The following UNC80 variants were observed in gnomAD, a reference collection of about 807,000 sequenced individuals.
UNC80 encodes unc-80 subunit of NALCN channel complex.
In UNC80, 164 loss-of-function variants were observed where a neutral mutation model predicts 384.6. The ratio of observed to expected loss-of-function variants is 0.43; its 90% CI spans 0.38 to 0.49. The LOEUF is 0.49. Ranked by LOEUF, UNC80 falls within the 20% of genes least tolerant of loss-of-function variation. The pLI, the probability that UNC80 is intolerant of heterozygous loss-of-function variation, is 0.00. For missense variants in UNC80, 3,330 were observed against 4,143.0 expected, an observed-to-expected ratio of 0.80 and a Z score of 5.39; for synonymous variants, 1,486 against 1,527.8, an observed-to-expected ratio of 0.97 and a Z score of 0.64.
chr2:209,930,989 C>T lies in UNC80; in HGVS notation c.5929C>T (p.Arg1977Cys), dbSNP rs1480454820. 1.2e-5 allele frequency: 19 copies of T among 1,549,616 alleles called. No individual in the cohort carries two copies. The highest frequency in any genetic ancestry group is 2.0e-5 in the Admixed American group (1 of 50,926). The change falls in exon 38 of 65, where the codon CGC becomes TGC. Residue 1977 changes from arginine to cysteine, a missense_variant. This residue lies in a region of UNC80 where 1,049 missense variants were observed against 1,488.6 expected (regional missense o/e 0.70). Coordinates refer to ENST00000673920, the MANE Select transcript of UNC80 (RefSeq NM_001371986.1). ...TCAGGATGAGTTAATGTACATGCTG[C>T]GCAAACTTCTCTTGAATATTGGAGA... The part of the protein sequence containing the change: ...NRQDELMYML[R>C]KLLLNIGDFP...
At chr2:209,995,055 T>TA (rs2093460622) in intron 64 of UNC80, among the ~76,000 whole-genome samples, 1 of 152,212 alleles carries the variant, frequency 6.6e-6, no homozygotes, top group Non-Finnish European at 1.5e-5. Context: ...CTTTAATGGT[T>TA]AAAAAACATT....
rs77150140 is a variant in UNC80, at chr2:209,818,008, G to C, written c.1693+56G>C. 4.2e-3 allele frequency: 6,428 copies of C among 1,535,786 alleles called. 237 individuals carry two copies. The African/African-American group carries it at 0.078, about 19-fold the overall frequency. ...GTTCAGAGTTCTTTTTTTGTTTTCT[G>C]TCCTTACACCATGTTACTTTCCCAT... On this transcript the variant is annotated intron_variant, in intron 11 of 64. Transcript: ENST00000673920.
intron 22 of UNC80, among the ~76,000 whole-genome samples, chr2:209,867,444 G>C (rs576357267): frequency 1.4e-3 from 212 of 152,014 alleles, no homozygotes; most frequent in African/African-American, 4.3e-3. Flanking sequence ...GCCCATTCTC[G>C]GTGCTCCAAA....
intron 27 of UNC80, 43 bp from the exon 28 acceptor site, chr2:209,896,270 G>A: frequency 6.6e-7 from 1 of 1,518,140 alleles, no homozygotes; most frequent in Non-Finnish European, 9.0e-7. Context: ...GCTCTCCAGG[G>A]AGACCGAACA....
At chr2:209,786,000 T>C (rs1312270556) in intron 4 of UNC80, 66 bp from the exon 5 acceptor site, 1 of 1,546,274 alleles carries the variant, frequency 6.5e-7, no homozygotes, top group Non-Finnish European at 8.8e-7. Context: ...ATCCTTGCAT[T>C]GATTGGTCCC....
intron 63 of UNC80, 66 bp downstream of exon 63, chr2:209,993,492 G>A: frequency 7.0e-7 from 1 of 1,435,000 alleles, no homozygotes; most frequent in Non-Finnish European, 9.5e-7. Context: ...ACCCAGGAAG[G>A]CTTACAAAAA....
At chr2:209,888,501 AT>A (rs1167696362) in intron 26 of UNC80, among the ~76,000 whole-genome samples, 1 of 152,144 alleles carries the variant, frequency 6.6e-6, no homozygotes, top group Admixed American at 6.5e-5. Flanking sequence ...AAGATGAACC[AT>A]TATTTGATTT....
intron 6 of UNC80, among the ~76,000 whole-genome samples, chr2:209,791,233 A>C (rs2077775924): frequency 6.6e-6 from 1 of 152,132 alleles, no homozygotes; most frequent in Non-Finnish European, 1.5e-5. Flanking sequence ...TAATTTTCCT[A>C]ATACATCATT....
intron 59 of UNC80, among the ~76,000 whole-genome samples, chr2:209,979,554 T>A (rs1267486217): frequency 1.3e-5 from 2 of 152,184 alleles, no homozygotes; most frequent in Non-Finnish European, 1.5e-5. Context: ...CCCCAGTGAC[T>A]AGGTCAGCCC....
rs375330772 is a variant in UNC80 at position 209,931,268 on chromosome 2, A to G, written c.5994+214A>G. Among the ~76,000 whole-genome samples, 5 of 152,176 alleles carry G rather than the reference A, an allele frequency of 3.3e-5. No individual in the cohort carries two copies. In the East Asian group the frequency reaches 9.7e-4, roughly 29 times the overall value. On this transcript the variant is annotated intron_variant, in intron 38 of 64. Transcript: ENST00000673920. The stretch of plus-strand genomic sequence containing the variant: ...TTCCTCTCTGTCTTCCTTTAGCAAT[A>G]TATAACTTTCTTATGTTTGTTGTTT...
intron 55 of UNC80, 56 bp from the exon 56 acceptor site, chr2:209,973,008 A>T (rs542741085): frequency 6.7e-7 from 1 of 1,494,620 alleles, no homozygotes; most frequent in East Asian, 2.5e-5. Flanking sequence ...TACTGTGGAC[A>T]GTCTACCTTG....
chr2:209,918,440 C>T (rs1176575718), intron 32 of UNC80, 92 bp from the exon 33 acceptor site: 39 of 1,375,782 alleles, frequency 2.8e-5, no homozygotes, highest in Non-Finnish European at 3.5e-5. Context: ...GGATGATTAA[C>T]ACTTCCTGAG....
At chr2:209,930,681 G>A (rs1263592842) in intron 37 of UNC80, among the ~76,000 whole-genome samples, 1 of 152,144 alleles carries the variant, frequency 6.6e-6, no homozygotes, top group African/African-American at 2.4e-5. Flanking sequence ...GCTTTCCTGT[G>A]ACTTGCCTGT....
intron 7 of UNC80, among the ~76,000 whole-genome samples, chr2:209,807,078 A>G (rs1489453407): frequency 6.6e-6 from 1 of 152,196 alleles, no homozygotes; most frequent in African/African-American, 2.4e-5. Flanking sequence ...TATGCATATA[A>G]TTTTGTATAG....
intron 8 of UNC80, among the ~76,000 whole-genome samples, chr2:209,814,478 C>A (rs150058290): frequency 0.038 from 5,753 of 152,236 alleles, 159 homozygotes; most frequent in Non-Finnish European, 0.059. Flanking sequence ...GATCTCCTGA[C>A]CTCGTGATCC....
At chr2:209,913,253 A>C (rs995676727) in intron 30 of UNC80, among the ~76,000 whole-genome samples, 1 of 152,230 alleles carries the variant, frequency 6.6e-6, no homozygotes, top group Non-Finnish European at 1.5e-5. Context: ...ATGTGAAATG[A>C]TGATGACTTG....
intron 51 of UNC80, among the ~76,000 whole-genome samples, chr2:209,964,560 G>T (rs1357487853): frequency 6.6e-6 from 1 of 152,010 alleles, no homozygotes; most frequent in African/African-American, 2.4e-5. Context: ...AGGACGAGTT[G>T]GGCAGATCAC....
chr2:209,995,588 A>G lies in UNC80; in HGVS notation c.9968A>G (p.His3323Arg). The G allele has an allele frequency of 6.4e-7, 1 of 1,552,016 alleles. No homozygotes were observed. Among genetic ancestry groups the G allele is most frequent in the Non-Finnish European group, 8.7e-7 (1 of 1,147,044 alleles). The change falls in exon 65 of 65, where the codon CAT becomes CGT. Residue 3323 changes from histidine to arginine, a missense_variant. His to Arg is a conservative substitution (Grantham distance 29). Coordinates refer to ENST00000673920, the MANE Select transcript of UNC80 (RefSeq NM_001371986.1). ...ACGGATGCAGTATTAGATGAGTCTC[A>G]TGTTTAATTCTGTATCTTGTAAGCT... ...GKTDAVLDES[H>R]V
intron 26 of UNC80, among the ~76,000 whole-genome samples, chr2:209,889,655 C>T (rs868560132): frequency 1.1e-4 from 16 of 152,150 alleles, no homozygotes; most frequent in African/African-American, 2.2e-4. Context: ...CCGCCACCCA[C>T]GGACAGGCCC....
Sources: allele counts gnomAD v4.1 joint callset (sites outside exome capture counted in the v4.1 genomes callset), GRCh38; gene constraint gnomAD v4.1.1; regional missense constraint gnomAD v4.1.1; transcripts MANE v1.5; gene names NCBI Gene and HGNC (gene_info 2026-07-23, HGNC 2026-07-21).